Variants in ECE1 observed in about 807,000 individuals in gnomAD.
The protein encoded by ECE1 is endothelin-converting enzyme 1.
In ECE1, 35 loss-of-function variants were observed where a neutral mutation model predicts 98.6. That is an observed-to-expected ratio of 0.35 (90% CI 0.27 to 0.47). The LOEUF (loss-of-function observed/expected upper bound fraction) is 0.47, where lower values mean the gene tolerates loss of function less well. ECE1 is among the 20% of genes least tolerant of loss of function. The pLI is 1.00. For missense variants in ECE1, 814 were observed against 1,025.3 expected, an observed-to-expected ratio of 0.79 and a Z score of 2.81; for synonymous variants, 394 against 407.1, an observed-to-expected ratio of 0.97 and a Z score of 0.39.
intron 1 of ECE1, among the ~76,000 whole-genome samples, chr1:21,329,176 A>G (rs1177173486): frequency 6.6e-6 from 1 of 152,222 alleles, no homozygotes; most frequent in Non-Finnish European, 1.5e-5. Flanking sequence ...CTGGAAATGT[A>G]GGTTCCTGGA....
rs886304845 is a variant in ECE1, at chr1:21,219,759, C to T, written c.*196G>A. On this transcript the variant is annotated 3_prime_UTR_variant, in exon 19 of 19. Coordinates refer to ENST00000374893, the MANE Select transcript of ECE1 (RefSeq NM_001397.3). The surrounding 1 kb of genome is among the most constrained non-coding windows in gnomAD (Gnocchi z 4.5). ...GGCGCACACGTGTGCCTGGGATGTC[C>T]GGCTCTTCACAGGGGATCAGACTGC... The T allele has an allele frequency of 4.7e-5, 32 of 677,936 alleles. No individual in the cohort carries two copies. The highest frequency in any genetic ancestry group is 8.9e-5 in the African/African-American group (5 of 56,308). 42.0% of individuals were successfully genotyped at this position (677,936 alleles called of 1,614,324 possible). A position where few individuals can be genotyped will look rare whatever the true frequency, so the allele number is the denominator to read the frequency against.
At chr1:21,278,682 T>C (rs1042663957) in intron 3 of ECE1, among the ~76,000 whole-genome samples, 2 of 152,132 alleles carry the variant, frequency 1.3e-5, no homozygotes, top group Admixed American at 6.5e-5. Context: ...GGTATTTGGG[T>C]ATTTGGTCCG....
intron 16 of ECE1, 36 bp downstream of exon 16, chr1:21,227,123 C>T (rs749618607): frequency 6.2e-7 from 1 of 1,605,028 alleles, no homozygotes; most frequent in Admixed American, 1.7e-5. Context: ...ACGGAGATTA[C>T]AGGCATGAGC....
Position 21,225,309 on chromosome 1 carries a change from C to A in ECE1, c.1981G>T (p.Gly661Trp). The change falls in exon 17 of 19, where the codon GGG becomes TGG. Residue 661 changes from glycine to tryptophan, a missense_variant. Gly to Trp is a radical substitution (Grantham distance 184, BLOSUM62 -2). Around this residue, in one of 3 missense-constraint regions of ECE1, gnomAD observed 452 missense variants for 567.3 expected, o/e 0.80. Coordinates refer to ENST00000374893, the MANE Select transcript of ECE1 (RefSeq NM_001397.3). This position sits in a 1 kb window ranked among gnomAD's most constrained non-coding sequence, Gnocchi z 5.3. ...ATGTTCTCCCCCAGGGTGTGCCGCC[C>A]GTTCACCGGCTCCCCGTTCACGCTG... Reference protein sequence around the residue: ...NYSVNGEPVNGRHTLGENIAD... With the variant: ...NYSVNGEPVNWRHTLGENIAD... 6.2e-7 allele frequency: 1 copy of A among 1,614,210 alleles called. No individual in the cohort carries two copies. The highest frequency in any genetic ancestry group is 8.5e-7 in the Non-Finnish European group (1 of 1,180,044).
rs71014183 is a variant in ECE1, at chr1:21,304,315, CAAAAAAAAAAAA to C, written c.4-14171_4-14160del. Among the ~76,000 whole-genome samples, 38 of 48,626 alleles carry C rather than the reference CAAAAAAAAAAAA, an allele frequency of 7.8e-4. 1 individual carries two copies. The highest frequency in any genetic ancestry group is 5.0e-3 in the South Asian group (4 of 800). The allele number at this position is 48,626 out of a possible 152,430, so 31.9% of individuals were successfully genotyped here. The stretch of plus-strand genomic sequence containing the variant: ...TGGGCAACAGAGCGAGACTCCCTCT[CAAAAAAAAAAAA>C]AAAAAAAAAAAAAAAAGATACGCCA... On this transcript the variant is annotated intron_variant, in intron 1 of 18. Coordinates refer to the ECE1 transcript ENST00000415912.
chr1:21,320,121 C>T (rs1638930079), intron 1 of ECE1, among the ~76,000 whole-genome samples: 1 of 152,260 alleles, frequency 6.6e-6, no homozygotes, highest in Non-Finnish European at 1.5e-5. Flanking sequence ...TCACATGCGG[C>T]CCACGGGCCG....
In ECE1 at chr1:21,225,531, TC is replaced by T; in HGVS notation, c.1850-92del. 2.7e-6 allele frequency: 4 copies of T among 1,464,442 alleles called. No homozygotes were observed. The highest frequency in any genetic ancestry group is 3.7e-6 in the Non-Finnish European group (4 of 1,075,912). The allele number at this position is 1,464,442 out of a possible 1,614,324, so 90.7% of individuals were successfully genotyped here. ...CCTGCTCCTGGTGAGAAGCGGTTCA[TC>T]CGTCCACCCCCGTCCTCCAGCCACC... On this transcript the variant is annotated intron_variant, in intron 16 of 18. Transcript: ENST00000374893. The surrounding 1 kb of genome is among the most constrained non-coding windows in gnomAD (Gnocchi z 5.3).
Position 21,233,516 on chromosome 1 carries a change from TGG to T in ECE1, c.1670+40_1670+41del. 1 of 1,585,148 alleles carries T rather than the reference TGG, an allele frequency of 6.3e-7. No individual in the cohort carries two copies. ...GTTCGTCCCAAGGCTTGCCCACAGGTGGGGAGCTGGCACCTTGCCGGCAGGGC... is the reference window on the plus strand; with the variant it reads ...GTTCGTCCCAAGGCTTGCCCACAGGTGGAGCTGGCACCTTGCCGGCAGGGC... On this transcript the variant is annotated intron_variant, in intron 14 of 18. Coordinates refer to ENST00000374893, the MANE Select transcript of ECE1 (RefSeq NM_001397.3). The surrounding 1 kb of genome is among the most constrained non-coding windows in gnomAD (Gnocchi z 4.0).
intron 4 of ECE1, among the ~76,000 whole-genome samples, chr1:21,262,026 C>T (rs895716446): frequency 8.5e-5 from 13 of 152,182 alleles, no homozygotes; most frequent in African/African-American, 2.9e-4. Flanking sequence ...AGCCTCACCC[C>T]GAGAGCTCCC....
chr1:21,245,121 CAG>C lies in ECE1; in HGVS notation c.1164-20_1164-19del. ...TGAGCAGGCTGCGGGGAGAGGAGGC[CAG>C]AGAGGCTCAGGGACACCTAGGCAGG... is the stretch of plus-strand genomic sequence containing the variant. On this transcript the variant is annotated intron_variant, in intron 9 of 18. Coordinates refer to ENST00000374893, the MANE Select transcript of ECE1 (RefSeq NM_001397.3). 6.2e-7 allele frequency: 1 copy of C among 1,605,222 alleles called. No individual in the cohort carries two copies. Among genetic ancestry groups the C allele is most frequent in the African/African-American group, 1.3e-5 (1 of 74,860 alleles).
In ECE1 at chr1:21,219,979, C is replaced by G. The variant is rs138594584; in HGVS notation, c.2289G>C (p.Pro763=). 2 of 1,614,214 alleles carry G rather than the reference C, an allele frequency of 1.2e-6. No homozygotes were observed. Among genetic ancestry groups the G allele is most frequent in the East Asian group, 2.2e-5 (1 of 44,888 alleles). Residue 763 remains proline, a synonymous_variant, in exon 19 of 19, where the codon CCG becomes CCC. Coordinates refer to ENST00000374893, the MANE Select transcript of ECE1 (RefSeq NM_001397.3). This position sits in a 1 kb window ranked among gnomAD's most constrained non-coding sequence, Gnocchi z 4.5. ...FRCPPGSPMN[P]PHKCEVW is the part of the protein sequence containing the mutation. ...CTTACCAGACTTCGCACTTGTGAGG[C>G]GGGTTCATGGGTGAGCCAGGTGGGC...
intron 1 of ECE1, among the ~76,000 whole-genome samples, chr1:21,316,003 C>T (rs1253085655): frequency 6.6e-6 from 1 of 152,122 alleles, no homozygotes; most frequent in Non-Finnish European, 1.5e-5. Context: ...TGGGAGAACC[C>T]CTCCTCACAG....
chr1:21,298,840 G>A (rs573632367), intron 1 of ECE1: 1 of 456,148 alleles, frequency 2.2e-6, no homozygotes, highest in East Asian at 6.9e-5. Context: ...ACGACTTCAG[G>A]TGTCACCTCC....
At position 21,221,854 on chromosome 1, in the gene ECE1, G is replaced by C. The variant is rs774461292; in HGVS notation, c.2041-12C>G. ...CAGTTCTGGTAAGCCTGGGAGGAGA[G>C]AAAACCAAAGCTCAGGGGTTCCCAT... On this transcript the variant is annotated splice_polypyrimidine_tract_variant and intron_variant, in intron 17 of 18. Coordinates refer to ENST00000374893, the MANE Select transcript of ECE1 (RefSeq NM_001397.3). 1.9e-6 allele frequency: 3 copies of C among 1,613,640 alleles called. No homozygotes were observed. The South Asian group carries it at 3.3e-5, about 18-fold the overall frequency.
chr1:21,316,824 A>G (rs1267458839), intron 1 of ECE1, among the ~76,000 whole-genome samples: 1 of 152,246 alleles, frequency 6.6e-6, no homozygotes, highest in Admixed American at 6.5e-5. Context: ...GCAGAAGTCA[A>G]CATGGAGCCT....
intron 1 of ECE1, among the ~76,000 whole-genome samples, chr1:21,336,644 C>A (rs1471332282): frequency 6.6e-6 from 1 of 152,160 alleles, no homozygotes; most frequent in Admixed American, 6.6e-5. Flanking sequence ...GAGATTGAGA[C>A]CATCCTGGCT....
At chr1:21,276,882 A>G (rs776638784) in intron 3 of ECE1, among the ~76,000 whole-genome samples, 4 of 151,960 alleles carry the variant, frequency 2.6e-5, no homozygotes, top group South Asian at 4.1e-4. Context: ...ATCCCTGGCT[A>G]ATTTTTGTAT....
chr1:21,273,195 T>A lies in ECE1; in HGVS notation c.281-284A>T, dbSNP rs910398984. Among the ~76,000 whole-genome samples the A allele has an allele frequency of 2.0e-5, 3 of 152,284 alleles. No homozygotes were observed. In the South Asian group the frequency reaches 6.2e-4, roughly 31 times the overall value. ...TCCATAAATATTCATTGACTCTTTATTATTCCTTGATGCTCAACAAATTTA... is the reference window on the plus strand; with the variant it reads ...TCCATAAATATTCATTGACTCTTTAATATTCCTTGATGCTCAACAAATTTA... On this transcript the variant is annotated intron_variant, in intron 3 of 18. Coordinates refer to ENST00000374893, the MANE Select transcript of ECE1 (RefSeq NM_001397.3).
At chr1:21,291,762 G>C (rs1297073420), upstream of ECE1, among the ~76,000 whole-genome samples, 1 of 152,078 alleles carries the variant, frequency 6.6e-6, no homozygotes, top group African/African-American at 2.4e-5. Context: ...AGGAGGTCGA[G>C]GTTGCAGTGA....
Sources: allele counts gnomAD v4.1 joint callset (sites outside exome capture counted in the v4.1 genomes callset), GRCh38; gene constraint gnomAD v4.1.1; regional missense constraint gnomAD v4.1.1; non-coding constraint Gnocchi (gnomAD v3.1); transcripts MANE v1.5; gene names NCBI Gene and HGNC (gene_info 2026-07-23, HGNC 2026-07-21).